Variants in TMX3 observed in about 807,000 individuals in gnomAD.
TMX3 encodes protein disulfide-isomerase TMX3.
In TMX3, 40 loss-of-function variants were observed where a neutral mutation model predicts 64.4. That is an observed-to-expected ratio of 0.62 (90% CI 0.48 to 0.81). TMX3 has a LOEUF of 0.81. Among genes scored for constraint, TMX3 ranks in the 30% least tolerant of loss-of-function variants. The probability of loss-of-function intolerance (pLI) is 0.00; values close to 1 mark genes in which losing one functional copy is unlikely to be tolerated. For missense variants in TMX3, 497 were observed against 534.5 expected, an observed-to-expected ratio of 0.93 and a Z score of 0.69; for synonymous variants, 189 against 175.7, an observed-to-expected ratio of 1.08 and a Z score of -0.60.
Position 68,675,251 on chromosome 18 carries a change from T to C in TMX3, c.*1682A>G, listed in dbSNP as rs1449213521. Reference sequence around the variant, plus strand: ...CATTCTTTGGAGAAGAATCTACTTGTTAAATTAACAGCATTTATCTCTGGT... The same window carrying C: ...CATTCTTTGGAGAAGAATCTACTTGCTAAATTAACAGCATTTATCTCTGGT... On this transcript the variant is annotated 3_prime_UTR_variant, in exon 16 of 16. Transcript: ENST00000299608. The C allele has an allele frequency of 1.3e-5, 2 of 152,156 alleles. No homozygotes were observed. Among genetic ancestry groups the C allele is most frequent in the African/African-American group, 4.8e-5 (2 of 41,464 alleles). The allele number at this position is 152,156 out of a possible 1,614,324, so 9.4% of individuals were successfully genotyped here. A position where few individuals can be genotyped will look rare whatever the true frequency, so the allele number is the denominator to read the frequency against.
At position 68,710,068 on chromosome 18, in the gene TMX3, A is replaced by G. The variant is rs373670808; in HGVS notation, c.218T>C (p.Ile73Thr). Residue 73 changes from isoleucine to threonine, a missense_variant, in exon 4 of 16, where the codon ATT (isoleucine) becomes ACT (threonine). By Grantham distance (89) the Ile-to-Thr change is moderately conservative. Transcript: ENST00000299608. Reference protein sequence around the residue: ...WNEVGLEMKSIGSPVKVGKMD... With the variant: ...WNEVGLEMKSTGSPVKVGKMD... ...CTTTCCAACCTTAACTGGAGAACCA[A>G]TGCTTTTCATCTCAAGACCAACTTC... The G allele has an allele frequency of 3.0e-5, 48 of 1,604,046 alleles. 1 individual carries two copies. The African/African-American group carries it at 5.1e-4, about 17-fold the overall frequency.
chr18:68,681,072 G>A lies in TMX3; in HGVS notation c.944C>T (p.Ser315Leu). Residue 315 changes from serine (S) to leucine (L), a missense_variant, in exon 14 of 16, where the codon TCA (serine) becomes TTA (leucine). Ser to Leu is a moderately radical substitution (Grantham distance 145, BLOSUM62 -2). Transcript: ENST00000299608. Reference protein sequence around the residue: ...TVPTVVVLNTSNQQYFLLDRQ... With the variant: ...TVPTVVVLNTLNQQYFLLDRQ... The stretch of plus-strand genomic sequence containing the variant: ...ATCTAGCAAGAAATATTGCTGGTTT[G>A]AAGTATTCAGTACAACTACAGTTGG... 6.2e-7 allele frequency: 1 copy of A among 1,600,446 alleles called. No homozygotes were observed. The highest frequency in any genetic ancestry group is 8.5e-7 in the Non-Finnish European group (1 of 1,174,146).
Position 68,684,577 on chromosome 18 carries a change from G to A in TMX3, c.737-92C>T, listed in dbSNP as rs1913761272. On this transcript the variant is annotated intron_variant, in intron 10 of 15. Coordinates refer to ENST00000299608, the MANE Select transcript of TMX3 (RefSeq NM_019022.5). ...TAGTTCTGAGTAGGAAATTAGTAAA[G>A]TATTTCTAGAATTTAATTCCAATCA... 3.9e-6 allele frequency: 4 copies of A among 1,034,984 alleles called. No individual in the cohort carries two copies. The South Asian group carries it at 4.2e-5, about 11-fold the overall frequency. The allele number at this position is 1,034,984 out of a possible 1,614,324, so 64.1% of individuals were successfully genotyped here.
intron 8 of TMX3, 73 bp from the exon 9 acceptor site, chr18:68,691,434 C>T: frequency 2.1e-6 from 2 of 972,376 alleles, no homozygotes; most frequent in South Asian, 2.2e-5. Flanking sequence ...TTTCAAAAGT[C>T]TTGAGATACC....
chr18:68,687,614 T>C (rs1914088451), intron 10 of TMX3, 53 bp downstream of exon 10: 1 of 1,550,684 alleles, frequency 6.4e-7, no homozygotes, highest in Non-Finnish European at 8.7e-7. Flanking sequence ...GATTTTTAAA[T>C]AATCAAAGAA....
rs889883378 is a variant in TMX3 at position 68,675,071 on chromosome 18, A to G, written c.*1862T>C. 4 of 152,164 alleles carry G rather than the reference A, an allele frequency of 2.6e-5. No homozygotes were observed. Among genetic ancestry groups the G allele is most frequent in the Admixed American group, 6.5e-5 (1 of 15,276 alleles). The allele number at this position is 152,164 out of a possible 1,614,324, so 9.4% of individuals were successfully genotyped here. On this transcript the variant is annotated 3_prime_UTR_variant, in exon 16 of 16. Coordinates refer to ENST00000299608, the MANE Select transcript of TMX3 (RefSeq NM_019022.5). ...ATGAAAAAATTCAGTGACATTTTCT[A>G]TAACTATTTCCCCATGTCACTGACT...
chr18:68,697,209 C>A lies in TMX3; in HGVS notation c.570+17G>T. ...ATAAATAAAATTGTGTCGTTAAAAT[C>A]AAATTTTAAATATTACCTCAGGAAC... On this transcript the variant is annotated intron_variant, in intron 8 of 15. Transcript: ENST00000299608. 1 of 1,384,904 alleles carries A rather than the reference C, an allele frequency of 7.2e-7. No homozygotes were observed. The allele number at this position is 1,384,904 out of a possible 1,614,324, so 85.8% of individuals were successfully genotyped here. A position where few individuals can be genotyped will look rare whatever the true frequency, so the allele number is the denominator to read the frequency against.
intron 2 of TMX3, among the ~76,000 whole-genome samples, chr18:68,711,899 T>G (rs988203595): frequency 2.0e-5 from 3 of 152,150 alleles, no homozygotes; most frequent in African/African-American, 4.8e-5. Context: ...GGATCCCAGA[T>G]CACTCCCCTG....
At chr18:68,682,007 G>T (rs983206904) in intron 13 of TMX3, among the ~76,000 whole-genome samples, 10 of 152,132 alleles carry the variant, frequency 6.6e-5, no homozygotes, top group African/African-American at 2.2e-4. Flanking sequence ...GCCTCTTCCG[G>T]AAAATGTTTC....
rs75357300 is a variant in TMX3, at chr18:68,693,922, T to C, written c.571-2561A>G. ...CACCCATGGACCATTCAGCATGCAC[T>C]TCCTCGATTCTGAGCACGTAAAAAC... is the stretch of plus-strand genomic sequence containing the variant. On this transcript the variant is annotated intron_variant, in intron 8 of 15. Transcript: ENST00000299608. Among the ~76,000 whole-genome samples, 436 of 152,214 alleles carry C rather than the reference T, an allele frequency of 2.9e-3. 7 individuals carry two copies. In the East Asian group the frequency reaches 0.072, roughly 25 times the overall value.
In TMX3 at chr18:68,697,308, G is replaced by A; in HGVS notation, c.493-5C>T. 2.0e-6 allele frequency: 3 copies of A among 1,508,346 alleles called. No homozygotes were observed. The highest frequency in any genetic ancestry group is 2.7e-6 in the Non-Finnish European group (3 of 1,115,684). 93.4% of individuals were successfully genotyped at this position (1,508,346 alleles called of 1,614,324 possible). On this transcript the variant is annotated splice_region_variant and splice_polypyrimidine_tract_variant and intron_variant, in intron 7 of 15. Transcript: ENST00000299608. ...AGCAGCATCTATGTATTTCTCCTAT[G>A]AAGATACAAACAGAAAAAAGATCAT...
chr18:68,683,073 TA>T, intron 12 of TMX3, 92 bp from the exon 13 acceptor site: 4 of 1,213,848 alleles, frequency 3.3e-6, no homozygotes, highest in Non-Finnish European at 4.7e-6. Flanking sequence ...AAAAAGTAAA[TA>T]AAACAATGAA....
chr18:68,694,063 C>T (rs1914809032), intron 8 of TMX3, among the ~76,000 whole-genome samples: 1 of 152,160 alleles, frequency 6.6e-6, no homozygotes, highest in Non-Finnish European at 1.5e-5. Context: ...CCACCTTGCT[C>T]ATCCTCCAGT....
intron 8 of TMX3, 135 bp from the exon 9 acceptor site, chr18:68,691,496 A>C (rs1490432440): frequency 3.6e-6 from 2 of 556,892 alleles, no homozygotes; most frequent in Admixed American, 3.5e-5. Context: ...ACAAACAGTT[A>C]AAGAGTACAG....
intron 12 of TMX3, 118 bp downstream of exon 12, chr18:68,684,072 T>C (rs1913706672): frequency 6.4e-6 from 5 of 778,860 alleles, no homozygotes; most frequent in Admixed American, 4.8e-5. Flanking sequence ...ATTACTGTTA[T>C]TTAACTTCAT....
intron 8 of TMX3, among the ~76,000 whole-genome samples, chr18:68,693,311 C>T (rs569565974): frequency 6.6e-6 from 1 of 152,244 alleles, no homozygotes; most frequent in South Asian, 2.1e-4. Flanking sequence ...CGGGAGAGTC[C>T]TACCTGCTAC....
chr18:68,709,558 A>C (rs1266769926), intron 4 of TMX3, among the ~76,000 whole-genome samples: 1 of 152,118 alleles, frequency 6.6e-6, no homozygotes, highest in African/African-American at 2.4e-5. Flanking sequence ...GTACACACTC[A>C]TTAACCTCTT....
intron 14 of TMX3, 42 bp downstream of exon 14, chr18:68,680,939 C>A (rs1365205784): frequency 1.3e-6 from 2 of 1,514,656 alleles, no homozygotes; most frequent in Admixed American, 2.1e-5. Context: ...TCTCCTCTAC[C>A]CCCTGTCCAT....
chr18:68,676,240 C>A lies in TMX3; in HGVS notation c.*693G>T, dbSNP rs1912915618. 1 of 152,140 alleles carries A rather than the reference C, an allele frequency of 6.6e-6. No homozygotes were observed. The highest frequency in any genetic ancestry group is 6.6e-5 in the Admixed American group (1 of 15,252). The allele number at this position is 152,140 out of a possible 1,614,324, so 9.4% of individuals were successfully genotyped here. On this transcript the variant is annotated 3_prime_UTR_variant, in exon 16 of 16. Transcript: ENST00000299608. ...ACCTGTTAGTATTCCAAGGAATGGG[C>A]TGAAACCTCTACTCAGTAAATCCTG...
Sources: gnomAD v4.1 joint callset for allele counts (sites outside exome capture counted in the v4.1 genomes callset) on GRCh38, gnomAD v4.1.1 for gene constraint, MANE v1.5 for transcripts, NCBI Gene and HGNC (gene_info 2026-07-23, HGNC 2026-07-21) for gene names.